The following BPIFA2 variants were observed in gnomAD, a reference collection of about 807,000 sequenced individuals.
BPIFA2 encodes BPI fold containing family A member 2.
BPIFA2 carries 20 observed loss-of-function variants against 25.7 expected under a neutral mutation model. That is an observed-to-expected ratio of 0.78 (90% CI 0.55 to 1.13). The LOEUF is 1.13. BPIFA2 is among the 50% of genes most tolerant of loss of function. The pLI, the probability that BPIFA2 is intolerant of heterozygous loss-of-function variation, is 0.00. For synonymous variants in BPIFA2, 126 were observed against 124.3 expected, an observed-to-expected ratio of 1.01 and a Z score of -0.09; for missense variants, 300 against 298.1, an observed-to-expected ratio of 1.01 and a Z score of -0.05.
At position 33,172,980 on chromosome 20, in the gene BPIFA2, G is replaced by T; in HGVS notation, c.206G>T (p.Ser69Ile). 1 of 1,614,086 alleles carries T rather than the reference G, an allele frequency of 6.2e-7. No individual in the cohort carries two copies. The highest frequency in any genetic ancestry group is 2.2e-5 in the East Asian group (1 of 44,878). The change falls in exon 3 of 9, where the codon AGT (serine) becomes ATT (isoleucine). Residue 69 changes from serine (S) to isoleucine (I), a missense_variant. By Grantham distance (142) the Ser-to-Ile change is moderately radical. Coordinates refer to ENST00000354932, the MANE Select transcript of BPIFA2 (RefSeq NM_080574.4). ...KVDLGVLQKSSAWQLAKQKAQ... is the reference protein window; with the variant it reads ...KVDLGVLQKSIAWQLAKQKAQ... The stretch of plus-strand genomic sequence containing the variant: ...GACCTAGGAGTGCTTCAGAAATCCA[G>T]TGCTTGGCAACTGGCCAAGCAGAAG...
At chr20:33,177,486 C>T (rs992664233) in intron 5 of BPIFA2, among the ~76,000 whole-genome samples, 1 of 152,188 alleles carries the variant, frequency 6.6e-6, no homozygotes, top group Non-Finnish European at 1.5e-5. Flanking sequence ...GAAAGCTAAG[C>T]TGCCGTGGAT....
chr20:33,178,338 TC>T (rs1984156267), intron 6 of BPIFA2, 110 bp downstream of exon 6: 1 of 805,334 alleles, frequency 1.2e-6, no homozygotes, highest in Non-Finnish European at 1.9e-6. Context: ...GGTGAAAGCT[TC>T]TCCTTAGGAG....
chr20:33,172,696 G>T (rs757428042), intron 2 of BPIFA2, among the ~76,000 whole-genome samples: 1 of 152,072 alleles, frequency 6.6e-6, no homozygotes, highest in African/African-American at 2.4e-5. Context: ...TTAATAGTAC[G>T]GAGGCAGTAT....
chr20:33,169,144 A>G lies in BPIFA2; in HGVS notation c.-2A>G, dbSNP rs1983814532. 1.2e-6 allele frequency: 2 copies of G among 1,613,916 alleles called. No homozygotes were observed. Among genetic ancestry groups the G allele is most frequent in the Non-Finnish European group, 8.5e-7 (1 of 1,179,838 alleles). Reference sequence around the variant, plus strand: ...ATGACTGTCCAGGTGTCAAGACAAAAGATGCTTCAGCTTTGGAAACTTGTT... The same window carrying G: ...ATGACTGTCCAGGTGTCAAGACAAAGGATGCTTCAGCTTTGGAAACTTGTT... On this transcript the variant is annotated 5_prime_UTR_variant, in exon 2 of 9. Coordinates refer to ENST00000354932, the MANE Select transcript of BPIFA2 (RefSeq NM_080574.4).
upstream of BPIFA2, among the ~76,000 whole-genome samples, chr20:33,164,107 A>AG (rs1983652619): frequency 6.6e-6 from 1 of 152,342 alleles, no homozygotes; most frequent in East Asian, 1.9e-4. Flanking sequence ...AGCTTCAGAC[A>AG]TCTTTGACCC....
Position 33,175,390 on chromosome 20 carries a change from C to A in BPIFA2, c.411-17C>A, listed in dbSNP as rs1448216870. The A allele has an allele frequency of 2.5e-6, 4 of 1,611,372 alleles. No individual in the cohort carries two copies. The highest frequency in any genetic ancestry group is 3.4e-6 in the Non-Finnish European group (4 of 1,178,462). On this transcript the variant is annotated splice_polypyrimidine_tract_variant and intron_variant, in intron 4 of 8. Coordinates refer to ENST00000354932, the MANE Select transcript of BPIFA2 (RefSeq NM_080574.4). ...GAACTTCTAGACTTTGTTCACTGTG[C>A]ATCTTACTTCCTGCAGGCCCATCAT...
rs1983781998 is a variant in BPIFA2, at chr20:33,168,193, C to T, written c.-32C>T. The T allele has an allele frequency of 6.6e-6, 1 of 152,286 alleles. No individual in the cohort carries two copies. The allele number at this position is 152,286 out of a possible 1,614,324, so 9.4% of individuals were successfully genotyped here. On this transcript the variant is annotated 5_prime_UTR_variant, in exon 1 of 9. Transcript: ENST00000354932. ...TGCAGTGGGGCAAGGATTTCATGAGCATCCTCCTCTAAACGCGTGAGTGGC... is the reference window on the plus strand; with the variant it reads ...TGCAGTGGGGCAAGGATTTCATGAGTATCCTCCTCTAAACGCGTGAGTGGC...
intron 4 of BPIFA2, 82 bp downstream of exon 4, chr20:33,174,268 C>T: frequency 1.6e-6 from 2 of 1,225,826 alleles, no homozygotes; most frequent in Non-Finnish European, 1.2e-6. Context: ...TCGGGCACCT[C>T]CTCCCGCTGC....
intron 2 of BPIFA2, among the ~76,000 whole-genome samples, chr20:33,171,225 TG>T (rs1488197719): frequency 6.6e-6 from 1 of 152,204 alleles, no homozygotes; most frequent in Non-Finnish European, 1.5e-5. Flanking sequence ...GCTCTTTTTT[TG>T]GTTCCATATG....
At chr20:33,164,635 C>G (rs889503074), upstream of BPIFA2, among the ~76,000 whole-genome samples, 1 of 151,818 alleles carries the variant, frequency 6.6e-6, no homozygotes, top group African/African-American at 2.4e-5. Flanking sequence ...CCCTCTCTTT[C>G]CTTCTTTCCC....
chr20:33,173,587 C>G (rs993480983), intron 3 of BPIFA2, among the ~76,000 whole-genome samples: 1 of 152,154 alleles, frequency 6.6e-6, no homozygotes, highest in Non-Finnish European at 1.5e-5. Flanking sequence ...CTCACTACAG[C>G]CTCGCCTCCT....
At position 33,178,203 on chromosome 20, in the gene BPIFA2, C is replaced by T; in HGVS notation, c.620C>T (p.Thr207Ile). ...AGCGTGATCAACACGCTGAAAAGCA[C>T]TGTATCCTCCCTGCTGCAGAAGGAG... The part of the protein sequence containing the change: ...VNSVINTLKS[T>I]VSSLLQKEIC... Residue 207 changes from threonine (T) to isoleucine (I), a missense_variant, in exon 6 of 9, where the codon ACT becomes ATT. Physicochemically the swap from Thr to Ile is moderately conservative, Grantham distance 89. Coordinates refer to ENST00000354932, the MANE Select transcript of BPIFA2 (RefSeq NM_080574.4). 1 of 1,602,986 alleles carries T rather than the reference C, an allele frequency of 6.2e-7. No homozygotes were observed. The highest frequency in any genetic ancestry group is 8.5e-7 in the Non-Finnish European group (1 of 1,171,708).
At chr20:33,172,646 C>G (rs1983937167) in intron 2 of BPIFA2, among the ~76,000 whole-genome samples, 1 of 152,100 alleles carries the variant, frequency 6.6e-6, no homozygotes, top group Non-Finnish European at 1.5e-5. Context: ...GCCTGGCCAA[C>G]TGGTTGATTG....
chr20:33,173,179 C>G, intron 3 of BPIFA2, 103 bp downstream of exon 3: 1 of 1,394,968 alleles, frequency 7.2e-7, no homozygotes, highest in Non-Finnish European at 9.8e-7. Flanking sequence ...AAGCCTCATT[C>G]CCCTCCCACA....
chr20:33,180,862 G>C (rs1253876625), intron 8 of BPIFA2, among the ~76,000 whole-genome samples: 3 of 152,200 alleles, frequency 2.0e-5, no homozygotes, highest in Admixed American at 2.0e-4. Flanking sequence ...CTGAGCCTTA[G>C]TCTTGGTCAC....
At chr20:33,162,719 AG>A (rs1466050967) in intron 1 of BPIFA2, among the ~76,000 whole-genome samples, 1 of 152,238 alleles carries the variant, frequency 6.6e-6, no homozygotes, top group Non-Finnish European at 1.5e-5. Flanking sequence ...CAGCAGGGTT[AG>A]GACCCAAATT....
intron 7 of BPIFA2, 134 bp downstream of exon 7, chr20:33,179,801 T>C: frequency 1.1e-6 from 1 of 891,774 alleles, no homozygotes; most frequent in Non-Finnish European, 1.8e-6. Flanking sequence ...AGCCATGGCT[T>C]CCCCTCCACA....
In BPIFA2 at chr20:33,179,643, G is replaced by T. The variant is rs1407126429; in HGVS notation, c.685G>T (p.Val229Leu). The change falls in exon 7 of 9, where the codon GTG (valine) becomes TTG (leucine). Residue 229 changes from valine to leucine, a missense_variant. Transcript: ENST00000354932. Reference sequence around the variant, plus strand: ...CCGCATCTTCATCCACTCCCTGGATGTGAATGTCATTCAGCAGGTCGTCGG... The same window carrying T: ...CCGCATCTTCATCCACTCCCTGGATTTGAATGTCATTCAGCAGGTCGTCGG... ...LIRIFIHSLDVNVIQQVVDNP... is the reference protein window; with the variant it reads ...LIRIFIHSLDLNVIQQVVDNP... 1 of 1,612,968 alleles carries T rather than the reference G, an allele frequency of 6.2e-7. No individual in the cohort carries two copies. Among genetic ancestry groups the T allele is most frequent in the Non-Finnish European group, 8.5e-7 (1 of 1,179,072 alleles).
upstream of BPIFA2, among the ~76,000 whole-genome samples, chr20:33,166,890 C>T (rs2146449114): frequency 6.6e-6 from 1 of 152,368 alleles, no homozygotes; most frequent in East Asian, 1.9e-4. Context: ...TTCAGCACAG[C>T]CCTTGGCTCT....
Sources: gnomAD v4.1 joint callset for allele counts (sites outside exome capture counted in the v4.1 genomes callset) on GRCh38, gnomAD v4.1.1 for gene constraint, MANE v1.5 for transcripts, NCBI Gene and HGNC (gene_info 2026-07-23, HGNC 2026-07-21) for gene names.